Variants in CYP11B1 observed in about 807,000 individuals in gnomAD.
The protein encoded by CYP11B1 is cytochrome P450 11B1, mitochondrial.
Under a neutral mutation model 48.3 loss-of-function variants are expected in CYP11B1, and 34 were observed. The ratio of observed to expected loss-of-function variants is 0.70; its 90% CI spans 0.54 to 0.94. CYP11B1 has a LOEUF of 0.94. Among genes scored for constraint, CYP11B1 ranks in the 40% least tolerant of loss-of-function variants. CYP11B1 has a pLI of 0.00. For synonymous variants in CYP11B1, 291 were observed against 262.5 expected (o/e 1.11, Z -1.05); for missense variants, 688 against 657.4 (o/e 1.05, Z -0.51).
intron 1 of CYP11B1, 36 bp from the exon 2 acceptor site, chr8:142,879,223 C>G: frequency 6.2e-7 from 1 of 1,613,582 alleles, no homozygotes; most frequent in Non-Finnish European, 8.5e-7. Flanking sequence ...CTGGATGGGA[C>G]CATGTCCCCG....
chr8:142,874,994 C>T lies in CYP11B1; in HGVS notation c.1361G>A (p.Arg454His), dbSNP rs367634557. Residue 454 changes from arginine (R) to histidine (H), a missense_variant, in exon 8 of 9, where the codon CGC (arginine) becomes CAC (histidine). Coordinates refer to ENST00000292427, the MANE Select transcript of CYP11B1 (RefSeq NM_000497.4). Reference sequence around the variant, plus strand: ...CAGCAGCATCTCTGCCTCTGCCAGGCGCCGCCCAAGGCACTGGCGCATGCC... The same window carrying T: ...CAGCAGCATCTCTGCCTCTGCCAGGTGCCGCCCAAGGCACTGGCGCATGCC... ...GFGMRQCLGRRLAEAEMLLLL... is the reference protein window; with the variant it reads ...GFGMRQCLGRHLAEAEMLLLL... The T allele has an allele frequency of 2.0e-5, 32 of 1,614,142 alleles. No homozygotes were observed. Among genetic ancestry groups the T allele is most frequent in the Non-Finnish European group, 2.5e-5 (30 of 1,180,050 alleles).
chr8:142,875,096 G>T lies in CYP11B1; in HGVS notation c.1259C>A (p.Pro420His). Residue 420 changes from proline to histidine, a missense_variant, in exon 8 of 9, where the codon CCT (proline) becomes CAT (histidine). Coordinates refer to ENST00000292427, the MANE Select transcript of CYP11B1 (RefSeq NM_000497.4). ...CCAGCGCTGGGGGTTATAGCGCTCA[G>T]GCCTCGGGAACAAGGCGGGGTTGCG... ...LGRNPALFPR[P>H]ERYNPQRWLD... The T allele has an allele frequency of 4.3e-6, 7 of 1,614,276 alleles. No homozygotes were observed. The highest frequency in any genetic ancestry group is 5.9e-6 in the Non-Finnish European group (7 of 1,180,048).
rs61752787 is a variant in CYP11B1 at position 142,875,663 on chromosome 8, C to T, written c.1121+49G>A. On this transcript the variant is annotated intron_variant, in intron 6 of 8. Transcript: ENST00000292427. ...GTCTGCCACCACCCAGTGGGGGCTG[C>T]TCTCCAGCAGGGGGCCAGGGCCACA... 6.5e-3 allele frequency: 10,429 copies of T among 1,605,632 alleles called. 561 individuals carry two copies. In the African/African-American group the frequency reaches 0.12, roughly 19 times the overall value.
chr8:142,875,670 G>C, intron 6 of CYP11B1, 42 bp downstream of exon 6: 1 of 1,609,560 alleles, frequency 6.2e-7, no homozygotes, highest in South Asian at 1.1e-5. Flanking sequence ...CTGCTCTCCA[G>C]CAGGGGGCCA....
intron 2 of CYP11B1, among the ~76,000 whole-genome samples, chr8:142,878,434 G>C (rs1293841311): frequency 6.6e-6 from 1 of 152,010 alleles, no homozygotes; most frequent in Non-Finnish European, 1.5e-5. Flanking sequence ...CTGCCCACCT[G>C]ACCAGGCGCC....
At chr8:142,874,681 C>T (rs1347595705) in intron 8 of CYP11B1, among the ~76,000 whole-genome samples, 195 bp from the exon 9 acceptor site, 2 of 152,080 alleles carry the variant, frequency 1.3e-5, no homozygotes, top group Non-Finnish European at 2.9e-5. Flanking sequence ...TTGCCCAAGC[C>T]CCACTATCCT....
Position 142,879,554 on chromosome 8 carries a change from G to T in CYP11B1, c.239+21C>A, listed in dbSNP as rs1225705850. ...GGGCAGGGCTCTGGGTGTTCCCAGC[G>T]AGGGCCAGGGAGGGCTTTACCTGAA... On this transcript the variant is annotated intron_variant, in intron 1 of 8. Transcript: ENST00000292427. The T allele has an allele frequency of 2.5e-6, 4 of 1,614,154 alleles. No homozygotes were observed. The East Asian group carries it at 6.7e-5, about 27-fold the overall frequency.
Position 142,879,135 on chromosome 8 carries a change from C to G in CYP11B1, c.292G>C (p.Glu98Gln), listed in dbSNP as rs200993800. ...MVCVMLPEDVEKLQQVDSLHP... is the reference protein window; with the variant it reads ...MVCVMLPEDVQKLQQVDSLHP... ...AGGCTGTCCACCTGTTGCAGCTTCTCCACGTCCTCCGGCAGCATCACACAC... is the reference window on the plus strand; with the variant it reads ...AGGCTGTCCACCTGTTGCAGCTTCTGCACGTCCTCCGGCAGCATCACACAC... Residue 98 changes from glutamate to glutamine, a missense_variant, in exon 2 of 9, where the codon GAG becomes CAG. Physicochemically the swap from Glu to Gln is conservative, Grantham distance 29 (BLOSUM62 2). Transcript: ENST00000292427. 3.1e-6 allele frequency: 5 copies of G among 1,614,150 alleles called. No homozygotes were observed. The East Asian group carries it at 1.1e-4, about 36-fold the overall frequency.
At chr8:142,878,419 TC>T (rs1381419848) in intron 2 of CYP11B1, among the ~76,000 whole-genome samples, 1 of 152,006 alleles carries the variant, frequency 6.6e-6, no homozygotes, top group African/African-American at 2.4e-5. Context: ...AGCATCAGCC[TC>T]TCCCTGCCCA....
intron 5 of CYP11B1, 165 bp downstream of exon 5, chr8:142,876,076 C>G: frequency 8.5e-7 from 1 of 1,182,910 alleles, no homozygotes; most frequent in Non-Finnish European, 1.2e-6. Flanking sequence ...CCATTCCAAC[C>G]ATGGCAACCT....
At position 142,877,207 on chromosome 8, in the gene CYP11B1, C is replaced by T. The variant is rs1730569384; in HGVS notation, c.411G>A (p.Trp137Ter). 1 of 1,613,048 alleles carries T rather than the reference C, an allele frequency of 6.2e-7. No individual in the cohort carries two copies. Among genetic ancestry groups the T allele is most frequent in the Non-Finnish European group, 8.5e-7 (1 of 1,179,566 alleles). The stretch of plus-strand genomic sequence containing the variant: ...GATTCAGCCGCAATCGGTTGAAGCG[C>T]CATTCAGGCCCATTCCTACAGAGGC... ...CGVFLLNGPEWRFNRLRLNPE... is the reference protein window; with the variant it reads ...CGVFLLNGPE Residue 137 changes from tryptophan to a stop codon, truncating the protein, a stop_gained, in exon 3 of 9, where the codon TGG becomes TGA. Coordinates refer to ENST00000292427, the MANE Select transcript of CYP11B1 (RefSeq NM_000497.4). LOFTEE classifies it high-confidence loss of function.
intron 1 of CYP11B1, 67 bp from the exon 2 acceptor site, chr8:142,879,254 C>T (rs1281208777): frequency 1.1e-5 from 17 of 1,611,608 alleles, no homozygotes; most frequent in East Asian, 2.2e-5. Flanking sequence ...CCTGCAGTCC[C>T]AATCCAAAGT....
Position 142,877,196 on chromosome 8 carries a change from C to A in CYP11B1, c.422G>T (p.Arg141Leu). The change falls in exon 3 of 9, where the codon CGA (arginine) becomes CTA (leucine). Residue 141 changes from arginine to leucine, a missense_variant. Arg to Leu is a moderately radical substitution (Grantham distance 102). Coordinates refer to ENST00000292427, the MANE Select transcript of CYP11B1 (RefSeq NM_000497.4). ...LLNGPEWRFN[R>L]LRLNPEVLSP... is the part of the protein sequence containing the mutation. ...CAGCACTTCTGGATTCAGCCGCAAT[C>A]GGTTGAAGCGCCATTCAGGCCCATT... is the stretch of plus-strand genomic sequence containing the variant. 3.7e-6 allele frequency: 6 copies of A among 1,613,954 alleles called. No individual in the cohort carries two copies. Among genetic ancestry groups the A allele is most frequent in the Non-Finnish European group, 5.1e-6 (6 of 1,179,948 alleles).
intron 6 of CYP11B1, 94 bp from the exon 7 acceptor site, chr8:142,875,406 C>A: frequency 7.1e-7 from 1 of 1,399,908 alleles, no homozygotes; most frequent in Non-Finnish European, 9.8e-7. Flanking sequence ...GCAGAGGTCC[C>A]AGATCCATGG....
At position 142,879,032 on chromosome 8, in the gene CYP11B1, A is replaced by C. The variant is rs961164148; in HGVS notation, c.395T>G (p.Leu132Arg). The stretch of plus-strand genomic sequence containing the variant: ...TCCCAGCTCTCAGCTCGCCGCTTAC[A>C]GCAAGAACACGCCACATTTGTGCCC... ...HRGHKCGVFL[L>R]NGPEWRFNRL... is the part of the protein sequence containing the mutation. The change falls in exon 2 of 9, where the codon CTG becomes CGG. Residue 132 changes from leucine (L) to arginine (R), a missense_variant and splice_region_variant. Leu to Arg is a moderately radical substitution (Grantham distance 102, BLOSUM62 -2). Transcript: ENST00000292427. The C allele has an allele frequency of 9.3e-6, 15 of 1,613,938 alleles. No homozygotes were observed. The highest frequency in any genetic ancestry group is 1.3e-5 in the African/African-American group (1 of 74,868).
Position 142,879,786 on chromosome 8 carries a change from A to C in CYP11B1, c.28T>G (p.Cys10Gly), listed in dbSNP as rs778976411. Residue 10 changes from cysteine (C) to glycine (G), a missense_variant, in exon 1 of 9, where the codon TGC becomes GGC. Physicochemically the swap from Cys to Gly is radical, Grantham distance 159. Transcript: ENST00000292427. MALRAKAEV[C>G]MAVPWLSLQR... ...AGGGACAGCCAGGGCACTGCCATGCACACCTCTGCCTTTGCCCTGAGTGCC... is the reference window on the plus strand; with the variant it reads ...AGGGACAGCCAGGGCACTGCCATGCCCACCTCTGCCTTTGCCCTGAGTGCC... The C allele has an allele frequency of 6.8e-6, 11 of 1,614,088 alleles. No homozygotes were observed. In the East Asian group the frequency reaches 2.2e-4, roughly 33 times the overall value.
At chr8:142,876,212 C>T in intron 5 of CYP11B1, 29 bp downstream of exon 5, 2 of 1,614,056 alleles carry the variant, frequency 1.2e-6, no homozygotes, top group Non-Finnish European at 1.7e-6. Context: ...GCATCACCCT[C>T]TCTGGGTGGG....
rs1816829783 is a variant in CYP11B1 at position 142,872,560 on chromosome 8, G to A, written c.*1813C>T. 6.6e-6 allele frequency: 1 copy of A among 152,180 alleles called. No individual in the cohort carries two copies. Among genetic ancestry groups the A allele is most frequent in the African/African-American group, 2.4e-5 (1 of 41,432 alleles). The allele number at this position is 152,180 out of a possible 1,614,324, so 9.4% of individuals were successfully genotyped here. On this transcript the variant is annotated 3_prime_UTR_variant, in exon 9 of 9. Transcript: ENST00000292427. ...AGAACAGTTGGACTCAGGATAAATT[G>A]TACCTTGAGTCTTACCCATGTTTGA...
rs567623158 is a variant in CYP11B1 at position 142,874,056 on chromosome 8, A to T, written c.*317T>A. 14 of 446,688 alleles carry T rather than the reference A, an allele frequency of 3.1e-5. No homozygotes were observed. The highest frequency in any genetic ancestry group is 2.8e-4 in the African/African-American group (14 of 50,150). 27.7% of individuals were successfully genotyped at this position (446,688 alleles called of 1,614,324 possible). Reference sequence around the variant, plus strand: ...AGGGACAAAACCACAGCACCCTTGTATGGCCACACGAGGAGCCTGGAGCCA... The same window carrying T: ...AGGGACAAAACCACAGCACCCTTGTTTGGCCACACGAGGAGCCTGGAGCCA... On this transcript the variant is annotated 3_prime_UTR_variant, in exon 9 of 9. Transcript: ENST00000292427.
Sources: gnomAD v4.1 joint callset for allele counts (sites outside exome capture counted in the v4.1 genomes callset) on GRCh38, gnomAD v4.1.1 for gene constraint, MANE v1.5 for transcripts, NCBI Gene and HGNC (gene_info 2026-07-23, HGNC 2026-07-21) for gene names.